Variants in PTPRG observed in about 807,000 individuals in gnomAD.
The protein encoded by PTPRG is receptor-type tyrosine-protein phosphatase gamma.
PTPRG carries 102 observed loss-of-function variants against 165.3 expected under a neutral mutation model. The observed-to-expected ratio is 0.62, with a 90% CI of 0.53 to 0.73. PTPRG has a LOEUF of 0.73. Ranked by LOEUF, PTPRG falls within the 30% of genes least tolerant of loss-of-function variation. The probability of loss-of-function intolerance (pLI) is 0.00; values close to 1 mark genes in which losing one functional copy is unlikely to be tolerated. For synonymous variants in PTPRG, 675 were observed against 669.5 expected (o/e 1.01, Z -0.13); for missense variants, 1,866 against 1,861.4 (o/e 1.00, Z -0.05).
chr3:61,733,529 C>T (rs546394585), intron 1 of PTPRG, among the ~76,000 whole-genome samples: 1 of 152,260 alleles, frequency 6.6e-6, no homozygotes, highest in Non-Finnish European at 1.5e-5. Flanking sequence ...AGCACAGTGC[C>T]TCCTGGTACA....
chr3:61,621,091 CTGTTA>C (rs144088313), intron 1 of PTPRG, among the ~76,000 whole-genome samples: 4,266 of 130,420 alleles, frequency 0.033, 197 homozygotes, highest in African/African-American at 0.11. Context: ...ATTTATTTAT[CTGTTA>C]TGTTCTTATA....
At chr3:62,080,473 G>A (rs1701533915) in intron 5 of PTPRG, among the ~76,000 whole-genome samples, 1 of 151,968 alleles carries the variant, frequency 6.6e-6, no homozygotes, top group African/African-American at 2.4e-5. Context: ...CTAACACCTG[G>A]TTTTCTGTCA....
chr3:61,969,696 G>A (rs184928475), intron 2 of PTPRG, among the ~76,000 whole-genome samples: 33 of 152,196 alleles, frequency 2.2e-4, no homozygotes, highest in African/African-American at 7.0e-4. Context: ...ATGGACCCTG[G>A]TGTGCACATC....
chr3:61,808,037 C>G (rs2035468034), intron 2 of PTPRG, among the ~76,000 whole-genome samples: 1 of 152,164 alleles, frequency 6.6e-6, no homozygotes, highest in Non-Finnish European at 1.5e-5. Flanking sequence ...CGTGCTTGCT[C>G]TCCCTGACTC....
At chr3:61,727,314 C>T (rs2032309490) in intron 1 of PTPRG, among the ~76,000 whole-genome samples, 1 of 151,904 alleles carries the variant, frequency 6.6e-6, no homozygotes, top group African/African-American at 2.4e-5. Flanking sequence ...CCACCACACC[C>T]AGCTAATTTT....
At chr3:62,264,962 A>C (rs1054363848) in intron 17 of PTPRG, among the ~76,000 whole-genome samples, 1 of 45,088 alleles carries the variant, frequency 2.2e-5, no homozygotes, top group Non-Finnish European at 4.6e-5. Flanking sequence ...TTACTATTTA[A>C]AAAAAAAAAA....
intron 2 of PTPRG, among the ~76,000 whole-genome samples, chr3:61,941,615 A>G (rs1008758812): frequency 4.3e-5 from 6 of 140,432 alleles, no homozygotes; most frequent in Admixed American, 7.1e-5. Context: ...GCAAAACTCC[A>G]TCTCAACAAA....
At chr3:61,754,451 CGT>C (rs768921105) in intron 2 of PTPRG, among the ~76,000 whole-genome samples, 1 of 152,120 alleles carries the variant, frequency 6.6e-6, no homozygotes, top group Non-Finnish European at 1.5e-5. Flanking sequence ...TGTGTCTGGG[CGT>C]GTGTCTCATT....
intron 4 of PTPRG, among the ~76,000 whole-genome samples, chr3:62,044,078 T>A (rs149407282): frequency 6.6e-6 from 1 of 152,344 alleles, no homozygotes; most frequent in African/African-American, 2.4e-5. Flanking sequence ...CTTAACTTCT[T>A]CTCAGAACCT....
intron 8 of PTPRG, among the ~76,000 whole-genome samples, chr3:62,188,744 T>C (rs1559623251): frequency 6.6e-6 from 1 of 152,188 alleles, no homozygotes; most frequent in African/African-American, 2.4e-5. Context: ...CATACAGTGT[T>C]CATTGCTATT....
intron 1 of PTPRG, among the ~76,000 whole-genome samples, chr3:61,710,858 G>A (rs1376556495): frequency 1.3e-5 from 2 of 152,022 alleles, no homozygotes; most frequent in East Asian, 1.9e-4. Context: ...TGCCATGGTG[G>A]TTTGCTGCAC....
At chr3:61,816,512 A>G (rs1425368485) in intron 2 of PTPRG, among the ~76,000 whole-genome samples, 3 of 152,174 alleles carry the variant, frequency 2.0e-5, no homozygotes, top group Admixed American at 1.3e-4. Flanking sequence ...AGCTTGGGTG[A>G]CACAGCGAGA....
intron 5 of PTPRG, among the ~76,000 whole-genome samples, chr3:62,109,154 C>G (rs940767527): frequency 6.6e-6 from 1 of 152,154 alleles, no homozygotes; most frequent in African/African-American, 2.4e-5. Flanking sequence ...CCCAGGTTTT[C>G]TTCTAGGATT....
At chr3:61,682,160 A>AAAAAC (rs1482375242) in intron 1 of PTPRG, among the ~76,000 whole-genome samples, 2 of 151,698 alleles carry the variant, frequency 1.3e-5, no homozygotes, top group East Asian at 3.9e-4. Flanking sequence ...AAAAAAAAAA[A>AAAAAC]AAAAAAAGTG....
intron 6 of PTPRG, 107 bp from the exon 7 acceptor site, chr3:62,156,960 T>G (rs1399696198): frequency 3.0e-6 from 3 of 1,009,478 alleles, no homozygotes; most frequent in Non-Finnish European, 4.5e-6. Context: ...TAAACAAACA[T>G]AAGGCTTGCG....
intron 2 of PTPRG, among the ~76,000 whole-genome samples, chr3:61,780,082 G>C (rs2034501204): frequency 6.6e-6 from 1 of 152,176 alleles, no homozygotes; most frequent in Non-Finnish European, 1.5e-5. Flanking sequence ...GTTGATGTAA[G>C]AAGTTAATGG....
chr3:61,674,368 T>A (rs1317030582), intron 1 of PTPRG, among the ~76,000 whole-genome samples: 2 of 150,906 alleles, frequency 1.3e-5, no homozygotes, highest in Non-Finnish European at 2.9e-5. Context: ...GGAGTAGTGA[T>A]CCCAGCTACT....
At chr3:62,268,686 T>G (rs1576200556) in intron 19 of PTPRG, among the ~76,000 whole-genome samples, 1 of 152,196 alleles carries the variant, frequency 6.6e-6, no homozygotes, top group East Asian at 1.9e-4. Context: ...ATACTTAAGC[T>G]CCCTTTATAA....
intron 2 of PTPRG, among the ~76,000 whole-genome samples, chr3:61,945,106 G>A (rs1029392712): frequency 2.6e-5 from 4 of 152,296 alleles, no homozygotes; most frequent in Non-Finnish European, 5.9e-5. Context: ...AGGGGCAGAG[G>A]TGATCAGTGA....
Sources: gnomAD v4.1 joint callset for allele counts (sites outside exome capture counted in the v4.1 genomes callset) on GRCh38, gnomAD v4.1.1 for gene constraint, MANE v1.5 for transcripts, NCBI Gene and HGNC (gene_info 2026-07-23, HGNC 2026-07-21) for gene names.